The following MASTL variants were observed in gnomAD, a reference collection of about 807,000 sequenced individuals.
The protein encoded by MASTL is serine/threonine-protein kinase greatwall.
In MASTL, 54 loss-of-function variants were observed where a neutral mutation model predicts 82.5. The observed-to-expected ratio is 0.65, with a 90% CI of 0.53 to 0.82. The LOEUF is 0.82. Among genes scored for constraint, MASTL ranks in the 40% least tolerant of loss-of-function variants. MASTL has a pLI of 0.00. For missense variants in MASTL, 950 were observed against 1,047.8 expected, an observed-to-expected ratio of 0.91 and a Z score of 1.29; for synonymous variants, 323 against 368.9, an observed-to-expected ratio of 0.88 and a Z score of 1.43.
chr10:27,169,391 C>T (rs2057843451), intron 7 of MASTL, among the ~76,000 whole-genome samples: 5 of 151,756 alleles, frequency 3.3e-5, no homozygotes, highest in Admixed American at 3.3e-4. Flanking sequence ...AGTGAAACCC[C>T]ATCTCCACTT....
intron 9 of MASTL, among the ~76,000 whole-genome samples, chr10:27,173,539 C>A (rs780228034): frequency 1.5e-4 from 23 of 151,790 alleles, no homozygotes; most frequent in Non-Finnish European, 3.2e-4. Context: ...CCACCTGCCA[C>A]CCTTGATATT....
At chr10:27,154,611 C>T (rs1281400155), upstream of MASTL, 31 of 309,452 alleles carry the variant, frequency 1.0e-4, no homozygotes, top group Non-Finnish European at 1.7e-4. Flanking sequence ...GTTCTTTCGC[C>T]CAGGCTGGCG....
rs1564493793 is a variant in MASTL, at chr10:27,170,504, TAAAC to T, written c.1548_1551del (p.Lys516AsnfsTer11). 2 of 1,614,006 alleles carry T rather than the reference TAAAC, an allele frequency of 1.2e-6. No individual in the cohort carries two copies. Among genetic ancestry groups the T allele is most frequent in the Non-Finnish European group, 1.7e-6 (2 of 1,179,978 alleles). On this transcript the variant is annotated frameshift_variant, in exon 8 of 12. Coordinates refer to ENST00000375940, the MANE Select transcript of MASTL (RefSeq NM_001172303.3). LOFTEE classifies it high-confidence loss of function. ...AGAACATTGTCAATTCTTTTACTGATAAACAACAAACACCAGAAAAATTACCTAT... is the reference window on the plus strand; with the variant it reads ...AGAACATTGTCAATTCTTTTACTGATAACAAACACCAGAAAAATTACCTAT...
Position 27,159,525 on chromosome 10 carries a change from C to A in MASTL, c.325-94C>A. 1 of 845,204 alleles carries A rather than the reference C, an allele frequency of 1.2e-6. No homozygotes were observed. The highest frequency in any genetic ancestry group is 2.0e-5 in the Admixed American group (1 of 49,580). The allele number at this position is 845,204 out of a possible 1,614,324, so 52.4% of individuals were successfully genotyped here. A position where few individuals can be genotyped will look rare whatever the true frequency, so the allele number is the denominator to read the frequency against. On this transcript the variant is annotated intron_variant, in intron 2 of 11. Coordinates refer to ENST00000375940, the MANE Select transcript of MASTL (RefSeq NM_001172303.3). The surrounding 1 kb of genome is among the most constrained non-coding windows in gnomAD (Gnocchi z 4.0). ...AAGAAAAGGTCGTTTCATTACAGAG[C>A]CATGCCAAATATTGTAACTGTAATG...
chr10:27,182,112 G>A (rs12254186), intron 11 of MASTL, among the ~76,000 whole-genome samples: 15,650 of 149,498 alleles, frequency 0.1, 2,696 homozygotes, highest in African/African-American at 0.36. Context: ...TAGGCCCAGC[G>A]TGGTGGCGTG....
At chr10:27,167,365 A>C (rs1360460727) in intron 7 of MASTL, 91 bp downstream of exon 7, 5 of 1,163,920 alleles carry the variant, frequency 4.3e-6, no homozygotes, top group Non-Finnish European at 6.3e-6. Context: ...TTCCATAAAG[A>C]AATGAAATTG....
At chr10:27,161,939 TAC>T (rs2057586087) in intron 4 of MASTL, among the ~76,000 whole-genome samples, 1 of 152,166 alleles carries the variant, frequency 6.6e-6, no homozygotes, top group Non-Finnish European at 1.5e-5. Context: ...AGAAAATGAA[TAC>T]ACAGTTAACA....
In MASTL at chr10:27,171,825, CTTTTTTT is replaced by C. The variant is rs112511530; in HGVS notation, c.2124+758_2124+764del. Among the ~76,000 whole-genome samples, 422 of 93,598 alleles carry C rather than the reference CTTTTTTT, an allele frequency of 4.5e-3. 4 individuals are homozygous for C. The highest frequency in any genetic ancestry group is 0.017 in the African/African-American group (394 of 22,706). 61.4% of individuals were successfully genotyped at this position (93,598 alleles called of 152,430 possible). On this transcript the variant is annotated intron_variant, in intron 8 of 11. Coordinates refer to ENST00000375940, the MANE Select transcript of MASTL (RefSeq NM_001172303.3). ...AGAATAAAAGTTGAAAAATATGTTTCTTTTTTTTTTTTTTTTTTTTTTGAGACAAAGT... is the reference window on the plus strand; with the variant it reads ...AGAATAAAAGTTGAAAAATATGTTTCTTTTTTTTTTTTTTTGAGACAAAGT...
chr10:27,176,097 A>C (rs1424699593), intron 9 of MASTL, among the ~76,000 whole-genome samples: 1 of 71,860 alleles, frequency 1.4e-5, no homozygotes, highest in Non-Finnish European at 2.8e-5. Flanking sequence ...ACTCCATCTC[A>C]AAAAAAAAAA....
Position 27,173,173 on chromosome 10 carries a change from G to A in MASTL, c.2180G>A (p.Arg727Lys), listed in dbSNP as rs2058005225. 2 of 1,614,178 alleles carry A rather than the reference G, an allele frequency of 1.2e-6. No individual in the cohort carries two copies. The highest frequency in any genetic ancestry group is 1.7e-6 in the Non-Finnish European group (2 of 1,180,036). ...CCATACCGAACTCCGAAGAGTGTGA[G>A]AAGAGGGGTGGCCCCCGTTGATGAT... ...GTPYRTPKSV[R>K]RGVAPVDDGR... Residue 727 changes from arginine (R) to lysine (K), a missense_variant, in exon 9 of 12, where the codon AGA becomes AAA. Arg to Lys is a conservative substitution (Grantham distance 26). Coordinates refer to ENST00000375940, the MANE Select transcript of MASTL (RefSeq NM_001172303.3).
chr10:27,175,131 C>G (rs1210455694), intron 9 of MASTL, among the ~76,000 whole-genome samples: 1 of 151,972 alleles, frequency 6.6e-6, no homozygotes, highest in Non-Finnish European at 1.5e-5. Context: ...TTATTTTGCT[C>G]TGGCAACTTA....
chr10:27,159,206 C>T lies in MASTL; in HGVS notation c.325-413C>T, dbSNP rs951712537. ...CTGCACCTCCTGGGTTCAAGCAATT[C>T]TTGTGCCTCAACCTCCCAAGTAGCT... is the stretch of plus-strand genomic sequence containing the variant. On this transcript the variant is annotated intron_variant, in intron 2 of 11. Transcript: ENST00000375940. The surrounding 1 kb of genome is among the most constrained non-coding windows in gnomAD (Gnocchi z 4.0). Among the ~76,000 whole-genome samples, 1 of 152,170 alleles carries T rather than the reference C, an allele frequency of 6.6e-6. No individual in the cohort carries two copies. The highest frequency in any genetic ancestry group is 1.5e-5 in the Non-Finnish European group (1 of 68,034).
chr10:27,171,021 A>G lies in MASTL; in HGVS notation c.2062A>G (p.Ser688Gly), dbSNP rs2057914582. ...LDAMDISCAYSGSYPMAITPT... is the reference protein window; with the variant it reads ...LDAMDISCAYGGSYPMAITPT... ...TGCAATGGATATTTCGTGTGCCTAC[A>G]GTGGTTCATATCCCATGGCTATAAC... The change falls in exon 8 of 12, where the codon AGT becomes GGT. Residue 688 changes from serine (S) to glycine (G), a missense_variant. By Grantham distance (56) the Ser-to-Gly change is moderately conservative. Coordinates refer to ENST00000375940, the MANE Select transcript of MASTL (RefSeq NM_001172303.3). 1.9e-6 allele frequency: 3 copies of G among 1,614,160 alleles called. No homozygotes were observed. The highest frequency in any genetic ancestry group is 1.3e-5 in the African/African-American group (1 of 75,062).
chr10:27,166,400 C>T (rs375310832), intron 6 of MASTL, among the ~76,000 whole-genome samples: 90 of 152,208 alleles, frequency 5.9e-4, no homozygotes, highest in Non-Finnish European at 6.8e-4. Context: ...CCTTATAGCA[C>T]GTCTGGATAT....
At chr10:27,168,850 A>G (rs1409392847) in intron 7 of MASTL, among the ~76,000 whole-genome samples, 2 of 152,192 alleles carry the variant, frequency 1.3e-5, no homozygotes, top group Admixed American at 6.5e-5. Context: ...AATGCTCATT[A>G]TTATTACTAA....
chr10:27,169,972 T>A lies in MASTL; in HGVS notation c.1013T>A (p.Met338Lys). Reference protein sequence around the residue: ...QESDEALGPTMMSWNAVEKLC... With the variant: ...QESDEALGPTKMSWNAVEKLC... ...AGTGATGAAGCATTGGGCCCAACAA[T>A]GATGAGTTGGAATGCAGTTGAAAAG... The change falls in exon 8 of 12, where the codon ATG becomes AAG. Residue 338 changes from methionine to lysine, a missense_variant. Met to Lys is a moderately conservative substitution (Grantham distance 95). Coordinates refer to ENST00000375940, the MANE Select transcript of MASTL (RefSeq NM_001172303.3). 1 of 1,614,084 alleles carries A rather than the reference T, an allele frequency of 6.2e-7. No individual in the cohort carries two copies. Among genetic ancestry groups the A allele is most frequent in the Non-Finnish European group, 8.5e-7 (1 of 1,179,996 alleles).
Position 27,159,323 on chromosome 10 carries a change from A to G in MASTL, c.325-296A>G, listed in dbSNP as rs2057494846. ...ATTTTAGTAGGGACGGGGTTTTGCT[A>G]TGTTGGCCAGGCTAGTCTCGAACTC... On this transcript the variant is annotated intron_variant, in intron 2 of 11. Coordinates refer to ENST00000375940, the MANE Select transcript of MASTL (RefSeq NM_001172303.3). The surrounding 1 kb of genome is among the most constrained non-coding windows in gnomAD (Gnocchi z 4.0). Among the ~76,000 whole-genome samples, 1 of 152,156 alleles carries G rather than the reference A, an allele frequency of 6.6e-6. No homozygotes were observed. Among genetic ancestry groups the G allele is most frequent in the Admixed American group, 6.5e-5 (1 of 15,274 alleles).
At chr10:27,154,923 C>G (rs1338878087), upstream of MASTL, 1 of 165,104 alleles carries the variant, frequency 6.1e-6, no homozygotes, top group Non-Finnish European at 1.3e-5. Flanking sequence ...GGGGAGGCCA[C>G]TCGCTTCCTG....
chr10:27,185,152 G>C (rs568295032), intron 11 of MASTL, among the ~76,000 whole-genome samples: 7 of 152,302 alleles, frequency 4.6e-5, no homozygotes, highest in African/African-American at 1.7e-4. Flanking sequence ...AGGGAGAAGG[G>C]GGTGAGCTTC....
Sources: allele counts gnomAD v4.1 joint callset (sites outside exome capture counted in the v4.1 genomes callset), GRCh38; gene constraint gnomAD v4.1.1; non-coding constraint Gnocchi (gnomAD v3.1); transcripts MANE v1.5; gene names NCBI Gene and HGNC (gene_info 2026-07-23, HGNC 2026-07-21).